Variants in CHMP4C observed in about 807,000 individuals in gnomAD.
CHMP4C encodes the protein charged multivesicular body protein 4C.
In CHMP4C, 28 loss-of-function variants were observed where a neutral mutation model predicts 29.0. The ratio of observed to expected loss-of-function variants is 0.97; its 90% CI spans 0.72 to 1.32. CHMP4C has a LOEUF of 1.32. Ranked by LOEUF, CHMP4C falls within the 40% of genes most tolerant of loss-of-function variation. CHMP4C has a pLI of 0.00. For synonymous variants in CHMP4C, 106 were observed against 102.4 expected, an observed-to-expected ratio of 1.04 and a Z score of -0.21; for missense variants, 291 against 281.0, an observed-to-expected ratio of 1.04 and a Z score of -0.25.
rs1399011196 is a variant in CHMP4C at position 81,759,381 on chromosome 8, C to T, written c.*837C>T. ...CTCCCAGGCCATTATGATGCTGTTA[C>T]AGCTTCAGTGTATAAATGCATGAGT... On this transcript the variant is annotated 3_prime_UTR_variant, in exon 5 of 5. Coordinates refer to ENST00000297265, the MANE Select transcript of CHMP4C (RefSeq NM_152284.4). The T allele has an allele frequency of 6.6e-6, 1 of 152,258 alleles. No homozygotes were observed. The highest frequency in any genetic ancestry group is 1.9e-4 in the East Asian group (1 of 5,186). The allele number at this position is 152,258 out of a possible 1,614,324, so 9.4% of individuals were successfully genotyped here.
chr8:81,734,761 T>C (rs553223247), intron 1 of CHMP4C, among the ~76,000 whole-genome samples: 2 of 152,290 alleles, frequency 1.3e-5, no homozygotes, highest in African/African-American at 4.8e-5. Flanking sequence ...ACTCTTCAAT[T>C]GGCAATGCAC....
At position 81,758,160 on chromosome 8, in the gene CHMP4C, C is replaced by T. The variant is rs1808994495; in HGVS notation, c.502C>T (p.Leu168Phe). 2 of 1,613,848 alleles carry T rather than the reference C, an allele frequency of 1.2e-6. No individual in the cohort carries two copies. The highest frequency in any genetic ancestry group is 1.7e-6 in the Non-Finnish European group (2 of 1,179,858). Reference protein sequence around the residue: ...DFDEDELMAELEELEQEELNK... With the variant: ...DFDEDELMAEFEELEQEELNK... ...TGTTCAGGATGAGTTGATGGCAGAA[C>T]TTGAAGAATTGGAACAGGAGGAATT... The change falls in exon 4 of 5, where the codon CTT becomes TTT. Residue 168 changes from leucine (L) to phenylalanine (F), a missense_variant. By Grantham distance (22) the Leu-to-Phe change is conservative. Coordinates refer to ENST00000297265, the MANE Select transcript of CHMP4C (RefSeq NM_152284.4).
Position 81,732,567 on chromosome 8 carries a change from G to A in CHMP4C, c.-60G>A, listed in dbSNP as rs1808631159. ...TGCCTTGCTCACCTGTCCCCTCGGCGCGGCCCCGGGGAGCTCCCGAGAGGC... is the reference window on the plus strand; with the variant it reads ...TGCCTTGCTCACCTGTCCCCTCGGCACGGCCCCGGGGAGCTCCCGAGAGGC... On this transcript the variant is annotated 5_prime_UTR_variant, in exon 1 of 5. Transcript: ENST00000297265. The A allele has an allele frequency of 3.0e-6, 4 of 1,342,262 alleles. No individual in the cohort carries two copies. The highest frequency in any genetic ancestry group is 2.9e-5 in the South Asian group (2 of 67,880). The allele number at this position is 1,342,262 out of a possible 1,614,324, so 83.1% of individuals were successfully genotyped here. A position where few individuals can be genotyped will look rare whatever the true frequency, so the allele number is the denominator to read the frequency against.
chr8:81,755,312 C>A, intron 2 of CHMP4C, 58 bp from the exon 3 acceptor site: 1 of 923,586 alleles, frequency 1.1e-6, no homozygotes, highest in Non-Finnish European at 1.7e-6. Flanking sequence ...AGGATTATAT[C>A]TAAATTCATA....
intron 1 of CHMP4C, among the ~76,000 whole-genome samples, chr8:81,752,082 T>C (rs1397423236): frequency 6.6e-6 from 1 of 151,916 alleles, no homozygotes; most frequent in East Asian, 1.9e-4. Flanking sequence ...ATCAATCAAA[T>C]TTGTTGCAAT....
chr8:81,752,564 A>G (rs1384965479), intron 1 of CHMP4C, among the ~76,000 whole-genome samples: 1 of 152,138 alleles, frequency 6.6e-6, no homozygotes, highest in Non-Finnish European at 1.5e-5. Context: ...AGACCAAGAC[A>G]TACAGCTCAG....
At chr8:81,740,861 T>C (rs1808755084) in intron 1 of CHMP4C, among the ~76,000 whole-genome samples, 1 of 152,198 alleles carries the variant, frequency 6.6e-6, no homozygotes, top group Non-Finnish European at 1.5e-5. Flanking sequence ...AGGATCTTGG[T>C]ACTCAAAGAT....
chr8:81,744,407 T>C (rs1332733780), intron 1 of CHMP4C, among the ~76,000 whole-genome samples: 3 of 152,240 alleles, frequency 2.0e-5, no homozygotes, highest in Non-Finnish European at 4.4e-5. Context: ...GTGTTGAGTA[T>C]ACATATAGAC....
chr8:81,748,920 T>C (rs1292894223), intron 1 of CHMP4C, among the ~76,000 whole-genome samples: 4 of 112,582 alleles, frequency 3.6e-5, no homozygotes, highest in South Asian at 3.0e-4. Context: ...AGTGAGACTC[T>C]GTGTAAAAAA....
At chr8:81,743,024 G>C (rs1808782196) in intron 1 of CHMP4C, among the ~76,000 whole-genome samples, 1 of 151,934 alleles carries the variant, frequency 6.6e-6, no homozygotes, top group Non-Finnish European at 1.5e-5. Context: ...AACTTGAGGA[G>C]CTATATATTT....
chr8:81,739,383 G>A (rs11984479), intron 1 of CHMP4C, among the ~76,000 whole-genome samples: 2,063 of 114,452 alleles, frequency 0.018, 44 homozygotes, highest in African/African-American at 0.066. Context: ...TGATTATTTT[G>A]TACCATACTC....
intron 3 of CHMP4C, among the ~76,000 whole-genome samples, chr8:81,756,075 G>A (rs1165796591): frequency 6.6e-6 from 1 of 152,128 alleles, no homozygotes; most frequent in African/African-American, 2.4e-5. Flanking sequence ...CATTTCCAAA[G>A]CTTGGATTAG....
chr8:81,750,864 G>T (rs1563622138), intron 1 of CHMP4C, among the ~76,000 whole-genome samples: 1 of 152,036 alleles, frequency 6.6e-6, no homozygotes, highest in Non-Finnish European at 1.5e-5. Flanking sequence ...CGAATGCTCA[G>T]TTGGAAAAAG....
chr8:81,733,611 A>G (rs376505664), intron 1 of CHMP4C, among the ~76,000 whole-genome samples: 54 of 152,176 alleles, frequency 3.5e-4, no homozygotes, highest in African/African-American at 1.3e-3. Flanking sequence ...GTCAGTAATG[A>G]TTCTTGGTGT....
chr8:81,750,214 A>T (rs1245500775), intron 1 of CHMP4C, among the ~76,000 whole-genome samples: 1 of 152,118 alleles, frequency 6.6e-6, no homozygotes, highest in African/African-American at 2.4e-5. Context: ...ATAATCTTTT[A>T]AAAAAGGGTA....
chr8:81,745,719 G>A lies in CHMP4C; in HGVS notation c.191-7345G>A, dbSNP rs182999904. 1.8e-4 allele frequency among the ~76,000 whole-genome samples: 27 copies of A among 152,162 alleles called. No individual in the cohort carries two copies. In the East Asian group the frequency reaches 3.3e-3, roughly 18 times the overall value. Reference sequence around the variant, plus strand: ...CAATAGTACATAAACGACATTGTTCGGCAACTCCAGTGCTGAAGGAACATC... The same window carrying A: ...CAATAGTACATAAACGACATTGTTCAGCAACTCCAGTGCTGAAGGAACATC... On this transcript the variant is annotated intron_variant, in intron 1 of 4. Coordinates refer to ENST00000297265, the MANE Select transcript of CHMP4C (RefSeq NM_152284.4).
At chr8:81,741,682 A>G (rs933874787) in intron 1 of CHMP4C, among the ~76,000 whole-genome samples, 4 of 152,170 alleles carry the variant, frequency 2.6e-5, no homozygotes, top group Non-Finnish European at 5.9e-5. Flanking sequence ...ATCTATTTGT[A>G]CTTTTAAGGA....
At chr8:81,736,248 G>A (rs529152565) in intron 1 of CHMP4C, among the ~76,000 whole-genome samples, 3 of 151,612 alleles carry the variant, frequency 2.0e-5, no homozygotes, top group Non-Finnish European at 4.4e-5. Context: ...CTTGACCTCC[G>A]AGACCCAAGT....
chr8:81,747,573 G>A (rs1315758278), intron 1 of CHMP4C, among the ~76,000 whole-genome samples: 3 of 152,118 alleles, frequency 2.0e-5, no homozygotes, highest in Non-Finnish European at 4.4e-5. Context: ...GTAATATTAT[G>A]TTTCTGTTAT....
Sources: allele counts gnomAD v4.1 joint callset (sites outside exome capture counted in the v4.1 genomes callset), GRCh38; gene constraint gnomAD v4.1.1; transcripts MANE v1.5; gene names NCBI Gene and HGNC (gene_info 2026-07-23, HGNC 2026-07-21).